CACTIN: variants seen among roughly 807,000 people sequenced by gnomAD.
CACTIN encodes the protein splicing factor Cactin.
A neutral mutation model predicts 84.9 loss-of-function variants in CACTIN; 20 were observed. That is an observed-to-expected ratio of 0.24 (90% confidence interval 0.17 to 0.34). The LOEUF is 0.34. Among genes scored for constraint, CACTIN ranks in the 10% least tolerant of loss-of-function variants. CACTIN has a pLI of 1.00. For synonymous variants in CACTIN, 549 were observed against 467.9 expected, an observed-to-expected ratio of 1.17 and a Z score of -2.24; for missense variants, 897 against 1,117.2, an observed-to-expected ratio of 0.80 and a Z score of 2.81.
chr19:3,620,646 G>A lies in CACTIN; in HGVS notation c.738+61C>T, dbSNP rs2033204014. 1.3e-5 allele frequency: 18 copies of A among 1,372,028 alleles called. No individual in the cohort carries two copies. The East Asian group carries it at 3.0e-4, about 23-fold the overall frequency. 85.0% of individuals were successfully genotyped at this position (1,372,028 alleles called of 1,614,324 possible). A position where few individuals can be genotyped will look rare whatever the true frequency, so the allele number is the denominator to read the frequency against. On this transcript the variant is annotated intron_variant, in intron 3 of 9. Coordinates refer to ENST00000429344, the MANE Select transcript of CACTIN (RefSeq NM_001080543.2). ...TAAGCCCCTCAAGTCCTGCCAAAGG[G>A]GGCGGGCCTCCAGGCCCTGGAAAGG...
chr19:3,612,321 G>A lies in CACTIN; in HGVS notation c.1879C>T (p.Leu627Phe), dbSNP rs978214109. 1.9e-6 allele frequency: 3 copies of A among 1,612,510 alleles called. No homozygotes were observed. Among genetic ancestry groups the A allele is most frequent in the African/African-American group, 1.3e-5 (1 of 74,958 alleles). The stretch of plus-strand genomic sequence containing the variant: ...GCCCACAGGTAGGCCTTGCCGGTGA[G>A]TGGCATCTCCACGCTGAACTGCGCC... ...DEAQFSVEMP[L>F]TGKAYLWADK... Residue 627 changes from leucine (L) to phenylalanine (F), a missense_variant, in exon 10 of 10, where the codon CTC becomes TTC. Transcript: ENST00000429344.
At chr19:3,620,066 C>A in intron 4 of CACTIN, 61 bp downstream of exon 4, 1 of 1,575,182 alleles carries the variant, frequency 6.3e-7, no homozygotes. Context: ...TCCAGAGTGA[C>A]AGCCAGTGCC....
At chr19:3,620,983 A>C (rs754038553) in intron 2 of CACTIN, 181 bp from the exon 3 acceptor site, 3 of 698,088 alleles carry the variant, frequency 4.3e-6, no homozygotes, top group African/African-American at 1.7e-5. Flanking sequence ...AATTCAGTGC[A>C]GACATGGAGC....
chr19:3,614,403 C>T lies in CACTIN; in HGVS notation c.1349G>A (p.Arg450Gln), dbSNP rs772069555. The T allele has an allele frequency of 9.5e-6, 15 of 1,573,482 alleles. No individual in the cohort carries two copies. The highest frequency in any genetic ancestry group is 2.4e-5 in the East Asian group (1 of 42,464). The stretch of plus-strand genomic sequence containing the variant: ...ACCCGCACCTAGTGCTCACCGGGCC[C>T]GTGCCATGTGGGCACGAAGCTGCTG... The part of the protein sequence containing the change: ...LLQQLRAHMA[R>Q]ARLRERHQDV... The change falls in exon 7 of 10, where the codon CGG (arginine) becomes CAG (glutamine). Residue 450 changes from arginine to glutamine, a missense_variant. Coordinates refer to ENST00000429344, the MANE Select transcript of CACTIN (RefSeq NM_001080543.2).
intron 9 of CACTIN, chr19:3,612,725 C>T (rs928228189): frequency 2.9e-6 from 2 of 696,060 alleles, no homozygotes; most frequent in African/African-American, 1.8e-5. Flanking sequence ...CCACGCATGA[C>T]CCCCGAGGGG....
In CACTIN at chr19:3,611,068, G is replaced by A. The variant is rs1369862149; in HGVS notation, c.*855C>T. 3 of 407,234 alleles carry A rather than the reference G, an allele frequency of 7.4e-6. No homozygotes were observed. Among genetic ancestry groups the A allele is most frequent in the Non-Finnish European group, 9.9e-6 (2 of 201,248 alleles). The allele number at this position is 407,234 out of a possible 1,614,324, so 25.2% of individuals were successfully genotyped here. A position where few individuals can be genotyped will look rare whatever the true frequency, so the allele number is the denominator to read the frequency against. On this transcript the variant is annotated 3_prime_UTR_variant, in exon 10 of 10. Coordinates refer to ENST00000429344, the MANE Select transcript of CACTIN (RefSeq NM_001080543.2). ...CAAGGCCCCGTGAGCAGGCCAGGTG[G>A]GGGGATCCCTGGGGGAAGCCCCTCA...
At chr19:3,612,554 G>C (rs965368257) in intron 9 of CACTIN, 141 bp from the exon 10 acceptor site, 2 of 1,264,226 alleles carry the variant, frequency 1.6e-6, no homozygotes, top group Non-Finnish European at 2.1e-6. Context: ...CATGGGGAGG[G>C]GACAGGGCCT....
chr19:3,616,560 G>A (rs1168269844), intron 6 of CACTIN: 1 of 152,030 alleles, frequency 6.6e-6, no homozygotes, highest in African/African-American at 2.4e-5. Flanking sequence ...AGTGACCTGA[G>A]AACACACCAC....
chr19:3,614,436 C>A lies in CACTIN; in HGVS notation c.1316G>T (p.Ser439Ile). 1 of 1,592,822 alleles carries A rather than the reference C, an allele frequency of 6.3e-7. No homozygotes were observed. Among genetic ancestry groups the A allele is most frequent in the Non-Finnish European group, 8.5e-7 (1 of 1,169,818 alleles). The change falls in exon 7 of 10, where the codon AGC becomes ATC. Residue 439 changes from serine to isoleucine, a missense_variant. Ser to Ile is a moderately radical substitution (Grantham distance 142). Transcript: ENST00000429344. ...GPNLDMGYWESLLQQLRAHMA... is the reference protein window; with the variant it reads ...GPNLDMGYWEILLQQLRAHMA... ...GTGGGCACGAAGCTGCTGCAGGAGGCTCTCCCAGTAGCCCATGTCCAGGTT... is the reference window on the plus strand; with the variant it reads ...GTGGGCACGAAGCTGCTGCAGGAGGATCTCCCAGTAGCCCATGTCCAGGTT...
rs773818588 is a variant in CACTIN at position 3,612,315 on chromosome 19, C to T, written c.1885G>A (p.Gly629Ser). Reference sequence around the variant, plus strand: ...TTGTCGGCCCACAGGTAGGCCTTGCCGGTGAGTGGCATCTCCACGCTGAAC... The same window carrying T: ...TTGTCGGCCCACAGGTAGGCCTTGCTGGTGAGTGGCATCTCCACGCTGAAC... Reference protein sequence around the residue: ...AQFSVEMPLTGKAYLWADKYR... With the variant: ...AQFSVEMPLTSKAYLWADKYR... The change falls in exon 10 of 10, where the codon GGC (glycine) becomes AGC (serine). Residue 629 changes from glycine (G) to serine (S), a missense_variant. Gly to Ser is a moderately conservative substitution (Grantham distance 56). This residue lies in a region of CACTIN where 243 missense variants were observed against 239.9 expected (regional missense o/e 1.01). Coordinates refer to ENST00000429344, the MANE Select transcript of CACTIN (RefSeq NM_001080543.2). 102 of 1,612,572 alleles carry T rather than the reference C, an allele frequency of 6.3e-5. No homozygotes were observed. Among genetic ancestry groups the T allele is most frequent in the Admixed American group, 1.3e-4 (8 of 60,000 alleles).
At chr19:3,620,367 G>A in intron 3 of CACTIN, 95 bp from the exon 4 acceptor site, 3 of 1,348,762 alleles carry the variant, frequency 2.2e-6, no homozygotes, top group Non-Finnish European at 2.0e-6. Flanking sequence ...CCTTCACCCA[G>A]CTGCCCTGGG....
At chr19:3,617,594 G>A (rs1202431630) in intron 6 of CACTIN, among the ~76,000 whole-genome samples, 2 of 151,590 alleles carry the variant, frequency 1.3e-5, no homozygotes, top group Admixed American at 6.6e-5. Context: ...AGGAGAGGCC[G>A]GGCCCAGGGC....
intron 6 of CACTIN, among the ~76,000 whole-genome samples, chr19:3,617,703 C>T (rs1348386371): frequency 6.6e-6 from 1 of 151,652 alleles, no homozygotes; most frequent in Non-Finnish European, 1.5e-5. Context: ...GTAGGGTCTG[C>T]GGCTTCTGAA....
chr19:3,612,296 G>A lies in CACTIN; in HGVS notation c.1904C>T (p.Ala635Val). The change falls in exon 10 of 10, where the codon GCC becomes GTC. Residue 635 changes from alanine to valine, a missense_variant. By Grantham distance (64) the Ala-to-Val change is moderately conservative. Around this residue, in one of 8 missense-constraint regions of CACTIN, gnomAD observed 13 missense variants for 27.0 expected, o/e 0.48. Transcript: ENST00000429344. The stretch of plus-strand genomic sequence containing the variant: ...CGGCTTGCGTGGCCGGTACTTGTCG[G>A]CCCACAGGTAGGCCTTGCCGGTGAG... ...MPLTGKAYLW[A>V]DKYRPRKPRF... The A allele has an allele frequency of 6.2e-7, 1 of 1,612,996 alleles. No homozygotes were observed. The highest frequency in any genetic ancestry group is 8.5e-7 in the Non-Finnish European group (1 of 1,179,896).
chr19:3,623,582 C>G, intron 2 of CACTIN, 106 bp downstream of exon 2: 1 of 1,036,478 alleles, frequency 9.6e-7, no homozygotes, highest in Non-Finnish European at 1.4e-6. Context: ...TGTGTAAAAC[C>G]AACTCTTGCA....
chr19:3,612,433 C>T lies in CACTIN; in HGVS notation c.1787-20G>A. ...CGTCTCCTGCGGGCGGGACGGCGTT[C>T]ACCCGGGCCTCGGCCTCCCCCTGGG... On this transcript the variant is annotated intron_variant, in intron 9 of 9. Transcript: ENST00000429344. 5 of 1,562,470 alleles carry T rather than the reference C, an allele frequency of 3.2e-6. No individual in the cohort carries two copies. Among genetic ancestry groups the T allele is most frequent in the South Asian group, 2.4e-5 (2 of 84,970 alleles).
At chr19:3,624,230 G>A in intron 1 of CACTIN, 68 bp from the exon 2 acceptor site, 1 of 1,371,260 alleles carries the variant, frequency 7.3e-7, no homozygotes. Flanking sequence ...ATGCTTACTG[G>A]GTGCCCGTGG....
intron 6 of CACTIN, chr19:3,616,699 TAAAAAG>T (rs1364238234): frequency 6.6e-6 from 1 of 152,124 alleles, no homozygotes; most frequent in Non-Finnish European, 1.5e-5. Context: ...TTGTAAAAAT[TAAAAAG>T]AAAAAGCATG....
intron 3 of CACTIN, chr19:3,620,491 G>C: frequency 1.4e-6 from 1 of 695,096 alleles, no homozygotes; most frequent in Non-Finnish European, 2.5e-6. Context: ...CGGCCACCCT[G>C]AAGGGAGCAT....
Sources: gnomAD v4.1 joint callset for allele counts (sites outside exome capture counted in the v4.1 genomes callset) on GRCh38, gnomAD v4.1.1 for gene constraint, gnomAD v4.1.1 regional missense constraint, MANE v1.5 for transcripts, NCBI Gene and HGNC (gene_info 2026-07-23, HGNC 2026-07-21) for gene names.